The following NAE1 variants were observed in gnomAD, a reference collection of about 807,000 sequenced individuals.
NAE1 encodes NEDD8 activating enzyme E1 subunit 1.
In NAE1, 59 loss-of-function variants were observed where a neutral mutation model predicts 88.0. The observed-to-expected ratio is 0.67, with a 90% CI of 0.54 to 0.83. The LOEUF is 0.83. Ranked by LOEUF, NAE1 falls within the 40% of genes least tolerant of loss-of-function variation. The pLI is 0.00. For missense variants in NAE1, 554 were observed against 632.8 expected, an observed-to-expected ratio of 0.88 and a Z score of 1.34; for synonymous variants, 186 against 208.9, an observed-to-expected ratio of 0.89 and a Z score of 0.95.
At chr16:66,809,199 GTT>G in intron 15 of NAE1, 124 bp from the exon 16 acceptor site, 1 of 622,060 alleles carries the variant, frequency 1.6e-6, no homozygotes. Flanking sequence ...GTGAAGAAAT[GTT>G]TTCTCCTTGG....
intron 17 of NAE1, among the ~76,000 whole-genome samples, chr16:66,807,908 CT>C (rs879516167): frequency 2.2e-3 from 324 of 144,630 alleles, no homozygotes; most frequent in Admixed American, 2.3e-3. Context: ...TAGTAGCATA[CT>C]TTTTTTTTTT....
At position 66,813,643 on chromosome 16, in the gene NAE1, C is replaced by T; in HGVS notation, c.955G>A (p.Gly319Ser). Residue 319 changes from glycine to serine, a missense_variant, in exon 13 of 20, where the codon GGT (glycine) becomes AGT (serine). Gly to Ser is a moderately conservative substitution (Grantham distance 56). Transcript: ENST00000290810. ...CCTCGAACAGGTAAATTTCCTTGAC[C>T]CTCTTTGGCCACAAATTCCTTTAAG... is the stretch of plus-strand genomic sequence containing the variant. Reference protein sequence around the residue: ...RALKEFVAKEGQGNLPVRGTI... With the variant: ...RALKEFVAKESQGNLPVRGTI... 1 of 1,613,894 alleles carries T rather than the reference C, an allele frequency of 6.2e-7. No homozygotes were observed. Among genetic ancestry groups the T allele is most frequent in the Non-Finnish European group, 8.5e-7 (1 of 1,179,898 alleles).
At chr16:66,823,441 A>G in intron 5 of NAE1, 88 bp downstream of exon 5, 2 of 1,369,780 alleles carry the variant, frequency 1.5e-6, no homozygotes, top group Non-Finnish European at 2.0e-6. Context: ...AAATGACACA[A>G]AGATTCAAAA....
intron 19 of NAE1, among the ~76,000 whole-genome samples, chr16:66,805,459 TG>T (rs1430581366): frequency 1.1e-4 from 16 of 150,432 alleles, no homozygotes; most frequent in Non-Finnish European, 4.4e-5. Flanking sequence ...AGCAACATAG[TG>T]GGACCCTGTC....
intron 17 of NAE1, among the ~76,000 whole-genome samples, chr16:66,807,737 A>G (rs1959627454): frequency 6.6e-6 from 1 of 152,196 alleles, no homozygotes; most frequent in South Asian, 2.1e-4. Flanking sequence ...CTATGCAATA[A>G]TCCTGCACAA....
intron 13 of NAE1, among the ~76,000 whole-genome samples, chr16:66,811,275 A>T (rs1339725604): frequency 4.6e-5 from 7 of 152,102 alleles, no homozygotes; most frequent in Admixed American, 4.6e-4. Flanking sequence ...CTCCCACCTC[A>T]GCTTCCCAAG....
intron 7 of NAE1, among the ~76,000 whole-genome samples, chr16:66,819,411 G>A (rs1269894845): frequency 6.6e-6 from 1 of 152,210 alleles, no homozygotes; most frequent in Non-Finnish European, 1.5e-5. Context: ...ACAGGAGAGT[G>A]TATAATTTCA....
rs751616804 is a variant in NAE1, at chr16:66,824,860, C to T, written c.244G>A (p.Gly82Ser). ...NNFFLQRSSI[G>S]KNRAEAAMEF... Reference sequence around the variant, plus strand: ...TATATTCTCTAATTGTTTACCTTGCCGATACTGCTTCTTTGAAGGAAGAAA... The same window carrying T: ...TATATTCTCTAATTGTTTACCTTGCTGATACTGCTTCTTTGAAGGAAGAAA... Residue 82 changes from glycine to serine, a missense_variant, in exon 4 of 20, where the codon GGC (glycine) becomes AGC (serine). Coordinates refer to ENST00000290810, the MANE Select transcript of NAE1 (RefSeq NM_003905.4). 9.3e-6 allele frequency: 15 copies of T among 1,608,708 alleles called. No homozygotes were observed. Among genetic ancestry groups the T allele is most frequent in the Admixed American group, 5.0e-5 (3 of 59,688 alleles).
intron 10 of NAE1, 62 bp from the exon 11 acceptor site, chr16:66,816,734 T>C: frequency 7.4e-7 from 1 of 1,356,314 alleles, no homozygotes; most frequent in South Asian, 1.2e-5. Flanking sequence ...GTTCCCCCAT[T>C]ATAAAAATAA....
In NAE1 at chr16:66,823,006, C is replaced by T. The variant is rs527477084; in HGVS notation, c.401+221G>A. On this transcript the variant is annotated intron_variant, in intron 6 of 19. Coordinates refer to ENST00000290810, the MANE Select transcript of NAE1 (RefSeq NM_003905.4). ...TCTTGACCAGGCACGTTGGCTCACA[C>T]CTGTAATCCCAACACTTTGGGAGGC... 2.6e-3 allele frequency among the ~76,000 whole-genome samples: 386 copies of T among 146,822 alleles called. 1 individual carries two copies. Among genetic ancestry groups the T allele is most frequent in the Non-Finnish European group, 4.3e-3 (289 of 66,792 alleles).
rs1271599086 is a variant in NAE1 at position 66,818,435 on chromosome 16, T to C, written c.621+93A>G. On this transcript the variant is annotated intron_variant, in intron 8 of 19. Coordinates refer to ENST00000290810, the MANE Select transcript of NAE1 (RefSeq NM_003905.4). Reference sequence around the variant, plus strand: ...GGGATGACAGGAATATGGAAGTTTATAGGATTTTCTCACTTTAGTGTAATT... The same window carrying C: ...GGGATGACAGGAATATGGAAGTTTACAGGATTTTCTCACTTTAGTGTAATT... 12 of 873,528 alleles carry C rather than the reference T, an allele frequency of 1.4e-5. No individual in the cohort carries two copies. The East Asian group carries it at 2.5e-4, about 18-fold the overall frequency. 54.1% of individuals were successfully genotyped at this position (873,528 alleles called of 1,614,324 possible).
chr16:66,821,115 A>C (rs1325401219), intron 7 of NAE1, among the ~76,000 whole-genome samples: 2 of 152,132 alleles, frequency 1.3e-5, no homozygotes, highest in African/African-American at 2.4e-5. Flanking sequence ...GTGTAACTTC[A>C]TGGGTCAGAG....
At chr16:66,828,468 G>A (rs906996389) in intron 1 of NAE1, among the ~76,000 whole-genome samples, 9 of 147,826 alleles carry the variant, frequency 6.1e-5, no homozygotes, top group Non-Finnish European at 1.0e-4. Flanking sequence ...TCCAGCCTGC[G>A]CAACACAGTG....
intron 6 of NAE1, among the ~76,000 whole-genome samples, chr16:66,822,020 C>A (rs1252882541): frequency 6.6e-6 from 1 of 152,038 alleles, no homozygotes; most frequent in Non-Finnish European, 1.5e-5. Flanking sequence ...CAAGCAGGCA[C>A]ACCATCTGGC....
At chr16:66,811,087 G>C (rs1023661926) in intron 13 of NAE1, among the ~76,000 whole-genome samples, 10 of 152,118 alleles carry the variant, frequency 6.6e-5, no homozygotes, top group Non-Finnish European at 1.0e-4. Context: ...CATTACTGAA[G>C]AACATGACTT....
At position 66,803,031 on chromosome 16, in the gene NAE1, G is replaced by C; in HGVS notation, c.1583C>G (p.Thr528Ser). ...NTYIYSGMSQ[T>S]SATFQL The stretch of plus-strand genomic sequence containing the variant: ...ACTCTACAACTGGAAAGTTGCTGAA[G>C]TTTGTGACATGCCACTGTAAATGTA... Residue 528 changes from threonine to serine, a missense_variant, in exon 20 of 20, where the codon ACT (threonine) becomes AGT (serine). By Grantham distance (58) the Thr-to-Ser change is moderately conservative. Coordinates refer to ENST00000290810, the MANE Select transcript of NAE1 (RefSeq NM_003905.4). The C allele has an allele frequency of 6.2e-7, 1 of 1,608,862 alleles. No homozygotes were observed. The highest frequency in any genetic ancestry group is 1.1e-5 in the South Asian group (1 of 90,964).
chr16:66,818,157 T>C (rs1023904584), intron 8 of NAE1, among the ~76,000 whole-genome samples: 1 of 152,160 alleles, frequency 6.6e-6, no homozygotes, highest in Non-Finnish European at 1.5e-5. Context: ...TATAACTGAG[T>C]TGTTATTACT....
rs745560278 is a variant in NAE1, at chr16:66,813,816, C to T, written c.871G>A (p.Asp291Asn). 6.2e-7 allele frequency: 1 copy of T among 1,613,802 alleles called. No individual in the cohort carries two copies. Among genetic ancestry groups the T allele is most frequent in the Non-Finnish European group, 8.5e-7 (1 of 1,179,788 alleles). The change falls in exon 12 of 20, where the codon GAT becomes AAT. Residue 291 changes from aspartate to asparagine, a missense_variant. Transcript: ENST00000290810. ...IPSSIEDIFNDDRCINITKQT... is the reference protein window; with the variant it reads ...IPSSIEDIFNNDRCINITKQT... ...TTGGTGATATTTATGCAGCGATCAT[C>T]ATTAAATATATCTTCAATACTGCTT... is the stretch of plus-strand genomic sequence containing the variant.
chr16:66,808,354 T>G (rs1959655726), intron 17 of NAE1, among the ~76,000 whole-genome samples, 167 bp downstream of exon 17: 1 of 152,198 alleles, frequency 6.6e-6, no homozygotes, highest in South Asian at 2.1e-4. Flanking sequence ...TGCAAATAGT[T>G]AAACTTAAAA....
Sources: gnomAD v4.1 joint callset for allele counts (sites outside exome capture counted in the v4.1 genomes callset) on GRCh38, gnomAD v4.1.1 for gene constraint, MANE v1.5 for transcripts, NCBI Gene and HGNC (gene_info 2026-07-23, HGNC 2026-07-21) for gene names.